The following FAM3C variants were observed in gnomAD, a reference collection of about 807,000 sequenced individuals.
FAM3C encodes FAM3 metabolism regulating signaling molecule C.
A neutral mutation model predicts 32.5 loss-of-function variants in FAM3C; 15 were observed. That is an observed-to-expected ratio of 0.46 (90% CI 0.31 to 0.71). The LOEUF (loss-of-function observed/expected upper bound fraction) is 0.71, where lower values mean the gene tolerates loss of function less well. Among genes scored for constraint, FAM3C ranks in the 30% least tolerant of loss-of-function variants. The pLI is 0.05. For missense variants in FAM3C, 175 were observed against 274.4 expected (o/e 0.64, Z 2.56); for synonymous variants, 75 against 86.1 (o/e 0.87, Z 0.72).
In FAM3C at chr7:121,362,912, CA is replaced by C; in HGVS notation, c.366del (p.Phe122LeufsTer15). 2 of 1,549,298 alleles carry C rather than the reference CA, an allele frequency of 1.3e-6. No individual in the cohort carries two copies. The highest frequency in any genetic ancestry group is 1.1e-5 in the South Asian group (1 of 87,526). ...TTATGCTTACCTCCTCCCCACATGT[CA>C]AAATATTTAGTGTCTAATACTTCTC... ...KTGEVLDTKY[F>X]DMWGGDVAPF... On this transcript the variant is annotated frameshift_variant, in exon 7 of 10. Coordinates refer to ENST00000359943, the MANE Select transcript of FAM3C (RefSeq NM_014888.3). LOFTEE classifies it high-confidence loss of function.
At chr7:121,356,186 G>A (rs2244812) in intron 8 of FAM3C, among the ~76,000 whole-genome samples, 83,168 of 152,004 alleles carry the variant, frequency 0.55, 25,113 homozygotes, top group African/African-American at 0.82. Context: ...TGTAATCTCT[G>A]AAACATGGTA....
chr7:121,395,740 A>G (rs1389285163), intron 1 of FAM3C, among the ~76,000 whole-genome samples: 4 of 152,092 alleles, frequency 2.6e-5, no homozygotes, highest in Non-Finnish European at 4.4e-5. Flanking sequence ...ACGGCCCCCT[A>G]TGGAGTTGGA....
chr7:121,377,160 TC>T (rs1316510356), intron 3 of FAM3C, among the ~76,000 whole-genome samples: 1 of 152,150 alleles, frequency 6.6e-6, no homozygotes, highest in Non-Finnish European at 1.5e-5. Flanking sequence ...TAAGGGACTT[TC>T]CCCTCGCTTC....
chr7:121,396,239 G>C lies in FAM3C; in HGVS notation c.-119C>G, dbSNP rs1044356511. The C allele has an allele frequency of 6.6e-6, 1 of 152,186 alleles. No individual in the cohort carries two copies. 9.4% of individuals were successfully genotyped at this position (152,186 alleles called of 1,614,324 possible). On this transcript the variant is annotated 5_prime_UTR_variant, in exon 1 of 10. Coordinates refer to ENST00000359943, the MANE Select transcript of FAM3C (RefSeq NM_014888.3). ...GCTCAGTCCTGCCGGAGGCCGACGG[G>C]AGCCGCCGCCTCCAGCTCGCGCCTC...
chr7:121,371,998 C>G, intron 4 of FAM3C, 112 bp downstream of exon 4: 1 of 733,340 alleles, frequency 1.4e-6, no homozygotes, highest in African/African-American at 1.8e-5. Flanking sequence ...CTTTAAAAAG[C>G]AATTTCTAAA....
intron 5 of FAM3C, among the ~76,000 whole-genome samples, chr7:121,367,803 C>A (rs1794052479): frequency 6.6e-6 from 1 of 151,848 alleles, no homozygotes; most frequent in African/African-American, 2.4e-5. Flanking sequence ...CCCATTTCCA[C>A]AAAAATAGAA....
At chr7:121,393,624 G>T (rs1175318328) in intron 1 of FAM3C, among the ~76,000 whole-genome samples, 2 of 152,084 alleles carry the variant, frequency 1.3e-5, no homozygotes, top group Admixed American at 6.5e-5. Flanking sequence ...AGAAGAAAAA[G>T]AATATTAATG....
intron 1 of FAM3C, among the ~76,000 whole-genome samples, chr7:121,393,877 T>G (rs1458970742): frequency 6.6e-6 from 1 of 152,216 alleles, no homozygotes; most frequent in Admixed American, 6.5e-5. Flanking sequence ...CTTCAAATCC[T>G]GATCATCTGA....
At chr7:121,383,086 G>A in intron 1 of FAM3C, 76 bp from the exon 2 acceptor site, 5 of 754,504 alleles carry the variant, frequency 6.6e-6, no homozygotes. Flanking sequence ...TTTGAAATGG[G>A]GCATATAAAC....
At chr7:121,379,105 A>T in intron 2 of FAM3C, 91 bp from the exon 3 acceptor site, 2 of 709,926 alleles carry the variant, frequency 2.8e-6, no homozygotes, top group Non-Finnish European at 4.8e-6. Flanking sequence ...ATTTTTTAAG[A>T]TCAATACATT....
At position 121,360,099 on chromosome 7, in the gene FAM3C, C is replaced by A; in HGVS notation, c.411G>T (p.Lys137Asn). 1.3e-6 allele frequency: 2 copies of A among 1,598,916 alleles called. No individual in the cohort carries two copies. The highest frequency in any genetic ancestry group is 1.7e-6 in the Non-Finnish European group (2 of 1,167,500). The change falls in exon 8 of 10, where the codon AAG (lysine) becomes AAT (asparagine). Residue 137 changes from lysine (K) to asparagine (N), a missense_variant. Transcript: ENST00000359943. ...GDVAPFIEFLKAIQDGTIVLM... is the reference protein window; with the variant it reads ...GDVAPFIEFLNAIQDGTIVLM... Reference sequence around the variant, plus strand: ...AAACTATTGTTCCATCTTGTATGGCCTTCAGAAACTCAATAAATGGTGCCA... The same window carrying A: ...AAACTATTGTTCCATCTTGTATGGCATTCAGAAACTCAATAAATGGTGCCA...
chr7:121,390,426 T>C (rs1794551053), intron 1 of FAM3C, among the ~76,000 whole-genome samples: 1 of 152,206 alleles, frequency 6.6e-6, no homozygotes, highest in African/African-American at 2.4e-5. Flanking sequence ...GTTTATAGTT[T>C]AAAACAAAGA....
chr7:121,377,106 G>A (rs111370581), intron 3 of FAM3C, among the ~76,000 whole-genome samples: 2,216 of 152,192 alleles, frequency 0.015, 47 homozygotes, highest in African/African-American at 0.049. Flanking sequence ...TTACCTCCAT[G>A]CTGTTCTCAT....
chr7:121,384,095 G>T (rs915615002), intron 1 of FAM3C, among the ~76,000 whole-genome samples: 1 of 152,086 alleles, frequency 6.6e-6, no homozygotes, highest in Non-Finnish European at 1.5e-5. Context: ...CAGGGTTCTG[G>T]GGGGCGGGGG....
At chr7:121,381,072 A>T (rs1794341169) in intron 2 of FAM3C, among the ~76,000 whole-genome samples, 2 of 152,154 alleles carry the variant, frequency 1.3e-5, no homozygotes, top group Non-Finnish European at 2.9e-5. Flanking sequence ...TGTTACAGAG[A>T]TCGCCCCCAA....
chr7:121,362,205 C>A (rs763284639), intron 7 of FAM3C, among the ~76,000 whole-genome samples: 1 of 152,134 alleles, frequency 6.6e-6, no homozygotes, highest in African/African-American at 2.4e-5. Flanking sequence ...CCCATTCTTC[C>A]GGGCAGCGTT....
intron 5 of FAM3C, among the ~76,000 whole-genome samples, 176 bp downstream of exon 5, chr7:121,371,124 A>G (rs2116916427): frequency 6.6e-6 from 1 of 152,284 alleles, no homozygotes. Flanking sequence ...CTAATATAAA[A>G]TTTAAGAACT....
chr7:121,394,047 T>TA (rs1794634490), intron 1 of FAM3C, among the ~76,000 whole-genome samples: 1 of 152,194 alleles, frequency 6.6e-6, no homozygotes, highest in African/African-American at 2.4e-5. Context: ...AAAATAAAAA[T>TA]AAAAAAGATT....
chr7:121,373,259 A>T (rs563813967), intron 3 of FAM3C, among the ~76,000 whole-genome samples: 1 of 152,200 alleles, frequency 6.6e-6, no homozygotes, highest in Non-Finnish European at 1.5e-5. Flanking sequence ...AGGGGAGTAG[A>T]TACTTTAAGG....
Sources: allele counts gnomAD v4.1 joint callset (sites outside exome capture counted in the v4.1 genomes callset), GRCh38; gene constraint gnomAD v4.1.1; transcripts MANE v1.5; gene names NCBI Gene and HGNC (gene_info 2026-07-23, HGNC 2026-07-21).